The following SH3PXD2B variants were observed in gnomAD, a reference collection of about 807,000 sequenced individuals.
The protein encoded by SH3PXD2B is SH3 and PX domains 2B, also known as SH3 and PX domain-containing protein 2B.
SH3PXD2B carries 37 observed loss-of-function variants against 73.1 expected under a neutral mutation model. That is an observed-to-expected ratio of 0.51 (90% CI 0.39 to 0.67). The LOEUF (loss-of-function observed/expected upper bound fraction) is 0.67. Ranked by LOEUF, SH3PXD2B falls within the 30% of genes least tolerant of loss-of-function variation. The pLI, the probability that SH3PXD2B is intolerant of heterozygous loss-of-function variation, is 0.00. For synonymous variants in SH3PXD2B, 457 were observed against 480.5 expected (o/e 0.95, Z 0.64); for missense variants, 1,053 against 1,197.8 (o/e 0.88, Z 1.78).
intron 1 of SH3PXD2B, among the ~76,000 whole-genome samples, chr5:172,424,377 G>A (rs1427687763): frequency 6.6e-6 from 1 of 152,184 alleles, no homozygotes; most frequent in Non-Finnish European, 1.5e-5. Context: ...GGGAATGAGG[G>A]TAGAACAAAG....
chr5:172,378,348 T>C lies in SH3PXD2B; in HGVS notation c.401+3688A>G, dbSNP rs946326443. On this transcript the variant is annotated intron_variant, in intron 5 of 12. Coordinates refer to ENST00000311601, the MANE Select transcript of SH3PXD2B (RefSeq NM_001017995.3). ...GCCGCCAGCGCGGGGCTTCTTCACC[T>C]CAGGTCCATGTACAGGATTCTGCAC... 5.9e-5 allele frequency among the ~76,000 whole-genome samples: 9 copies of C among 152,182 alleles called. No homozygotes were observed. In the South Asian group the frequency reaches 6.2e-4, roughly 11 times the overall value.
At chr5:172,383,187 T>C (rs1757987382) in intron 4 of SH3PXD2B, among the ~76,000 whole-genome samples, 1 of 152,236 alleles carries the variant, frequency 6.6e-6, no homozygotes. Flanking sequence ...ATCTGAAGCA[T>C]TAAAGTGAAG....
chr5:172,424,854 C>T (rs1759059966), intron 1 of SH3PXD2B, among the ~76,000 whole-genome samples: 2 of 152,144 alleles, frequency 1.3e-5, no homozygotes, highest in African/African-American at 4.8e-5. Flanking sequence ...AGCACCTTGC[C>T]AGGAAGACAG....
intron 6 of SH3PXD2B, among the ~76,000 whole-genome samples, chr5:172,363,655 C>CGTA (rs969660615): frequency 1.2e-4 from 18 of 151,848 alleles, no homozygotes; most frequent in African/African-American, 4.4e-4. Context: ...GGAAGAGCAG[C>CGTA]GTAGGCACAC....
At chr5:172,361,001 G>A (rs1178667275) in intron 7 of SH3PXD2B, among the ~76,000 whole-genome samples, 1 of 152,146 alleles carries the variant, frequency 6.6e-6, no homozygotes, top group African/African-American at 2.4e-5. Context: ...CTACGCAGAT[G>A]TGAAAAAGTA....
At chr5:172,385,859 C>A (rs1758050269) in intron 4 of SH3PXD2B, among the ~76,000 whole-genome samples, 1 of 152,226 alleles carries the variant, frequency 6.6e-6, no homozygotes, top group Admixed American at 6.5e-5. Flanking sequence ...TGGCCCATTT[C>A]ATTTGGGATG....
chr5:172,349,186 A>G (rs1757097781), intron 10 of SH3PXD2B, among the ~76,000 whole-genome samples: 1 of 152,266 alleles, frequency 6.6e-6, no homozygotes, highest in Admixed American at 6.5e-5. Flanking sequence ...GTGACTTCTC[A>G]GGGCAGCTGA....
At chr5:172,444,358 G>C (rs1286962948) in intron 1 of SH3PXD2B, among the ~76,000 whole-genome samples, 1 of 152,164 alleles carries the variant, frequency 6.6e-6, no homozygotes, top group East Asian at 1.9e-4. Context: ...GATTCTGACA[G>C]CCCCACCTTT....
chr5:172,327,498 T>C (rs1287293785), intron 12 of SH3PXD2B, among the ~76,000 whole-genome samples: 2 of 152,196 alleles, frequency 1.3e-5, no homozygotes, highest in Admixed American at 6.5e-5. Flanking sequence ...TGTGTATTTT[T>C]TAGCATATCC....
intron 3 of SH3PXD2B, among the ~76,000 whole-genome samples, chr5:172,404,297 A>G (rs1667513777): frequency 6.6e-6 from 1 of 151,798 alleles, no homozygotes; most frequent in East Asian, 1.9e-4. Flanking sequence ...CTTTGCTGAA[A>G]AAAGATATAT....
chr5:172,404,635 G>A (rs1758511257), intron 3 of SH3PXD2B, among the ~76,000 whole-genome samples: 2 of 152,242 alleles, frequency 1.3e-5, no homozygotes, highest in South Asian at 4.2e-4. Context: ...AAATATCTGT[G>A]ACTTAGGGTG....
intron 2 of SH3PXD2B, among the ~76,000 whole-genome samples, chr5:172,414,158 G>A (rs1247185019): frequency 6.6e-6 from 1 of 152,188 alleles, no homozygotes; most frequent in East Asian, 1.9e-4. Flanking sequence ...GAGGTGGAAG[G>A]ACCAGGGTCT....
At chr5:172,422,924 T>C (rs771630062) in intron 1 of SH3PXD2B, among the ~76,000 whole-genome samples, 1 of 152,214 alleles carries the variant, frequency 6.6e-6, no homozygotes, top group Non-Finnish European at 1.5e-5. Context: ...CAGCCCATCA[T>C]GCTGTCTCCA....
chr5:172,338,192 CA>C lies in SH3PXD2B; in HGVS notation c.*176del. The stretch of plus-strand genomic sequence containing the variant: ...ATGCTGTGATAGGAGGGATCAGGCC[CA>C]GGGGCGCCCGAGGTGTCCGAAACTC... On this transcript the variant is annotated 3_prime_UTR_variant, in exon 13 of 13. Coordinates refer to ENST00000311601, the MANE Select transcript of SH3PXD2B (RefSeq NM_001017995.3). This position sits in a 1 kb window ranked among gnomAD's most constrained non-coding sequence, Gnocchi z 5.1. The C allele has an allele frequency of 5.3e-6, 8 of 1,496,288 alleles. No individual in the cohort carries two copies. The highest frequency in any genetic ancestry group is 2.7e-5 in the South Asian group (2 of 74,058). 92.7% of individuals were successfully genotyped at this position (1,496,288 alleles called of 1,614,324 possible). A position where few individuals can be genotyped will look rare whatever the true frequency, so the allele number is the denominator to read the frequency against.
chr5:172,422,352 T>A, intron 2 of SH3PXD2B, 64 bp downstream of exon 2: 3 of 1,414,492 alleles, frequency 2.1e-6, no homozygotes, highest in Non-Finnish European at 2.9e-6. Context: ...AAAGCTGTAG[T>A]GGAATGTAAG....
At chr5:172,396,001 G>A (rs1157339900) in intron 3 of SH3PXD2B, among the ~76,000 whole-genome samples, 1 of 151,980 alleles carries the variant, frequency 6.6e-6, no homozygotes, top group Non-Finnish European at 1.5e-5. Flanking sequence ...ACGGTTTCTG[G>A]TGAGATGGCT....
rs1262636786 is a variant in SH3PXD2B, at chr5:172,366,932, A to ATTTTTTTT, written c.428-4071_428-4064dup. On this transcript the variant is annotated intron_variant, in intron 6 of 12. Coordinates refer to ENST00000311601, the MANE Select transcript of SH3PXD2B (RefSeq NM_001017995.3). ...TAGGTGTGAGCCATCGTGCCCGGCCATTTTTTTTTTTTTTTTTTTTTGGGG... is the reference window on the plus strand; with the variant it reads ...TAGGTGTGAGCCATCGTGCCCGGCCATTTTTTTTTTTTTTTTTTTTTTTTTTTTTGGGG... Among the ~76,000 whole-genome samples, 19 of 75,106 alleles carry ATTTTTTTT rather than the reference A, an allele frequency of 2.5e-4. 2 individuals carry two copies. Among genetic ancestry groups the ATTTTTTTT allele is most frequent in the South Asian group, 5.6e-4 (1 of 1,788 alleles). 49.3% of individuals were successfully genotyped at this position (75,106 alleles called of 152,430 possible).
intron 6 of SH3PXD2B, among the ~76,000 whole-genome samples, chr5:172,368,698 A>AAT (rs1291909474): frequency 1.7e-4 from 6 of 35,066 alleles, no homozygotes; most frequent in Admixed American, 1.1e-3. Flanking sequence ...ATATATATAA[A>AAT]ATATATATAT....
intron 2 of SH3PXD2B, among the ~76,000 whole-genome samples, chr5:172,410,848 C>G (rs1392526895): frequency 1.3e-5 from 2 of 152,182 alleles, no homozygotes; most frequent in East Asian, 3.8e-4. Context: ...TGTTACATTC[C>G]CCTTGTCACA....
Sources: gnomAD v4.1 joint callset for allele counts (sites outside exome capture counted in the v4.1 genomes callset) on GRCh38, gnomAD v4.1.1 for gene constraint, Gnocchi (gnomAD v3.1) non-coding constraint, MANE v1.5 for transcripts, NCBI Gene and HGNC (gene_info 2026-07-23, HGNC 2026-07-21) for gene names.